DPF3: variants seen among roughly 807,000 people sequenced by gnomAD.
DPF3 encodes double PHD fingers 3, also known as zinc finger protein DPF3.
DPF3 carries 18 observed loss-of-function variants against 56.8 expected under a neutral mutation model. The ratio of observed to expected loss-of-function variants is 0.32; its 90% confidence interval spans 0.22 to 0.47. The LOEUF is 0.47. Ranked by LOEUF, DPF3 falls within the 20% of genes least tolerant of loss-of-function variation. The pLI is 1.00. For synonymous variants in DPF3, 188 were observed against 180.2 expected (o/e 1.04, Z -0.35); for missense variants, 403 against 488.8 (o/e 0.82, Z 1.65).
At chr14:72,876,790 C>T (rs544084957) in intron 1 of DPF3, among the ~76,000 whole-genome samples, 55 of 152,370 alleles carry the variant, frequency 3.6e-4, no homozygotes, top group African/African-American at 1.2e-3. Context: ...ACAGGAACTG[C>T]TGTCTGTCTT....
chr14:72,867,945 T>C lies in DPF3; in HGVS notation c.32+26112A>G, dbSNP rs149379489. ...TTCTGGAGACGGCATTTCACCATGT[T>C]GCCCAGGCTGATCTTGAACTCCTGG... On this transcript the variant is annotated intron_variant, in intron 1 of 10. Transcript: ENST00000556509. Among the ~76,000 whole-genome samples the C allele has an allele frequency of 3.9e-4, 60 of 152,116 alleles. No individual in the cohort carries two copies. The East Asian group carries it at 0.01, about 26-fold the overall frequency.
chr14:72,854,070 T>A (rs1218366005), intron 1 of DPF3, among the ~76,000 whole-genome samples: 1 of 152,226 alleles, frequency 6.6e-6, no homozygotes, highest in East Asian at 1.9e-4. Context: ...TAAAGTCATC[T>A]TTTTGGCCAG....
intron 5 of DPF3, among the ~76,000 whole-genome samples, chr14:72,715,352 G>T (rs549790274): frequency 5.9e-5 from 9 of 152,244 alleles, no homozygotes; most frequent in African/African-American, 2.2e-4. Context: ...ACACAGCGAG[G>T]TTTATTTTTA....
rs1048344475 is a variant in DPF3 at position 72,609,104 on chromosome 14, C to T, written c.*10193G>A. 2.0e-5 allele frequency among the ~76,000 whole-genome samples: 3 copies of T among 152,228 alleles called. No homozygotes were observed. Among genetic ancestry groups the T allele is most frequent in the Non-Finnish European group, 4.4e-5 (3 of 68,050 alleles). On this transcript the variant is annotated 3_prime_UTR_variant, in exon 11 of 11. Transcript: ENST00000556509. Reference sequence around the variant, plus strand: ...ACAAAAGATTCACTACGTGGGTAGTCAACATTGCTAACCAATCACAGAACA... The same window carrying T: ...ACAAAAGATTCACTACGTGGGTAGTTAACATTGCTAACCAATCACAGAACA...
chr14:72,886,762 C>T (rs975348453), intron 1 of DPF3, among the ~76,000 whole-genome samples: 4 of 152,014 alleles, frequency 2.6e-5, no homozygotes, highest in Non-Finnish European at 5.9e-5. Context: ...AAGCTTTCCA[C>T]CAAAGAAAAG....
intron 6 of DPF3, among the ~76,000 whole-genome samples, chr14:72,701,643 G>A (rs1189411377): frequency 1.3e-5 from 2 of 152,158 alleles, no homozygotes; most frequent in South Asian, 4.1e-4. Flanking sequence ...GGGGAGAAGC[G>A]GCTGCCTTCC....
intron 1 of DPF3, among the ~76,000 whole-genome samples, chr14:72,813,035 T>C (rs1883128302): frequency 6.6e-6 from 1 of 152,134 alleles, no homozygotes; most frequent in African/African-American, 2.4e-5. Flanking sequence ...CACACTGTCC[T>C]TGCTTTTCGG....
chr14:72,732,612 C>T (rs1032911608), intron 3 of DPF3, among the ~76,000 whole-genome samples: 2 of 152,156 alleles, frequency 1.3e-5, no homozygotes, highest in Admixed American at 1.3e-4. Context: ...TGCACAGCCA[C>T]GCCACGACCT....
At chr14:72,874,465 C>G (rs1472646016) in intron 1 of DPF3, among the ~76,000 whole-genome samples, 1 of 150,834 alleles carries the variant, frequency 6.6e-6, no homozygotes, top group Non-Finnish European at 1.5e-5. Context: ...GGCAACAGAG[C>G]AAGACTCCGT....
chr14:72,714,587 G>A (rs1197539830), intron 5 of DPF3, 86 bp from the exon 6 acceptor site: 20 of 1,477,530 alleles, frequency 1.4e-5, no homozygotes, highest in African/African-American at 2.8e-5. Context: ...TCCTTACACC[G>A]TCTTCATCCC....
chr14:72,794,049 G>A (rs761012859), intron 1 of DPF3, among the ~76,000 whole-genome samples: 16 of 152,176 alleles, frequency 1.1e-4, no homozygotes, highest in Admixed American at 5.9e-4. Context: ...GCAGCAAAGC[G>A]CTTCAGTGAA....
intron 3 of DPF3, among the ~76,000 whole-genome samples, chr14:72,734,014 G>A (rs1368604062): frequency 1.3e-5 from 2 of 152,044 alleles, no homozygotes; most frequent in East Asian, 1.9e-4. Flanking sequence ...ATCAAGGAGC[G>A]CTACCACGAA....
intron 1 of DPF3, among the ~76,000 whole-genome samples, chr14:72,857,463 A>C (rs1453599991): frequency 6.6e-6 from 1 of 152,206 alleles, no homozygotes; most frequent in Non-Finnish European, 1.5e-5. Context: ...ATAATCCCCG[A>C]AGATTAAGAA....
At chr14:72,658,546 A>G (rs986805874) in intron 8 of DPF3, among the ~76,000 whole-genome samples, 1 of 152,178 alleles carries the variant, frequency 6.6e-6, no homozygotes, top group African/African-American at 2.4e-5. Context: ...AAATCTCTAA[A>G]CTGTACAACT....
chr14:72,834,572 C>T (rs186030722), intron 1 of DPF3, among the ~76,000 whole-genome samples: 1 of 150,766 alleles, frequency 6.6e-6, no homozygotes, highest in Admixed American at 6.6e-5. Flanking sequence ...GGTAGAGGAA[C>T]TGGACCCCCC....
At chr14:72,770,475 T>C (rs1011061241) in intron 2 of DPF3, among the ~76,000 whole-genome samples, 2 of 152,234 alleles carry the variant, frequency 1.3e-5, no homozygotes, top group Non-Finnish European at 2.9e-5. Flanking sequence ...TAAAGTCTTA[T>C]TGCTAATTAT....
chr14:72,872,013 T>C (rs1885919746), intron 1 of DPF3, among the ~76,000 whole-genome samples: 2 of 152,230 alleles, frequency 1.3e-5, no homozygotes, highest in African/African-American at 4.8e-5. Flanking sequence ...TTCTGAAATC[T>C]AGAAGGAAAT....
intron 1 of DPF3, among the ~76,000 whole-genome samples, chr14:72,850,822 C>T (rs55670875): frequency 4.1e-4 from 43 of 104,398 alleles, no homozygotes; most frequent in Middle Eastern, 9.8e-3. Flanking sequence ...TGTGTGTGTG[C>T]GCACGCGCAT....
At chr14:72,717,506 A>G (rs1165629733) in intron 5 of DPF3, among the ~76,000 whole-genome samples, 1 of 152,180 alleles carries the variant, frequency 6.6e-6, no homozygotes, top group Admixed American at 6.5e-5. Flanking sequence ...GTGCACAGTC[A>G]GGTGCCTGCT....
Sources: allele counts gnomAD v4.1 joint callset (sites outside exome capture counted in the v4.1 genomes callset), GRCh38; gene constraint gnomAD v4.1.1; transcripts MANE v1.5; gene names NCBI Gene and HGNC (gene_info 2026-07-23, HGNC 2026-07-21).